Variants in TOX2 observed in about 807,000 individuals in gnomAD.
The protein encoded by TOX2 is granulosa cell HMG box 1.
Under a neutral mutation model 47.4 loss-of-function variants are expected in TOX2, and 15 were observed. The ratio of observed to expected loss-of-function variants is 0.32; its 90% CI spans 0.21 to 0.49. The LOEUF is 0.49. TOX2 is among the 20% of genes least tolerant of loss of function. TOX2 has a pLI of 0.99. For missense variants in TOX2, 622 were observed against 673.1 expected, an observed-to-expected ratio of 0.92 and a Z score of 0.84; for synonymous variants, 290 against 296.6, an observed-to-expected ratio of 0.98 and a Z score of 0.23.
chr20:44,005,716 T>G (rs1332571523), intron 2 of TOX2, among the ~76,000 whole-genome samples: 1 of 152,102 alleles, frequency 6.6e-6, no homozygotes, highest in Non-Finnish European at 1.5e-5. Flanking sequence ...GGGAAAGAAT[T>G]TGATACAATT....
At chr20:43,941,612 C>T (rs1327984237) in intron 1 of TOX2, among the ~76,000 whole-genome samples, 8 of 152,240 alleles carry the variant, frequency 5.3e-5, no homozygotes, top group Admixed American at 1.3e-4. Context: ...GGATTACAGG[C>T]GCGAGCCACT....
intron 2 of TOX2, among the ~76,000 whole-genome samples, chr20:43,995,902 CT>C (rs1355424516): frequency 1.4e-4 from 22 of 152,176 alleles, no homozygotes; most frequent in African/African-American, 5.3e-4. Flanking sequence ...ACAACATTTT[CT>C]TTATCCAATC....
chr20:43,999,669 T>G (rs1286658121), intron 2 of TOX2, among the ~76,000 whole-genome samples: 9 of 152,238 alleles, frequency 5.9e-5, no homozygotes, highest in Non-Finnish European at 1.3e-4. Context: ...GTCTACAGAT[T>G]CAATGCAATC....
intron 3 of TOX2, among the ~76,000 whole-genome samples, chr20:44,018,926 G>T (rs538118134): frequency 6.6e-6 from 1 of 152,154 alleles, no homozygotes; most frequent in Non-Finnish European, 1.5e-5. Context: ...ACCCCAGTGG[G>T]TGACCTTGGG....
chr20:44,056,406 C>G (rs2071617254), intron 5 of TOX2, among the ~76,000 whole-genome samples: 1 of 152,178 alleles, frequency 6.6e-6, no homozygotes, highest in Admixed American at 6.5e-5. Flanking sequence ...TTTCAAAAGA[C>G]TTCAGGTTGT....
At chr20:44,011,258 C>T (rs1253422719) in intron 3 of TOX2, among the ~76,000 whole-genome samples, 1 of 152,186 alleles carries the variant, frequency 6.6e-6, no homozygotes, top group Non-Finnish European at 1.5e-5. Flanking sequence ...ATTTTTCAAC[C>T]TACCACAGTG....
intron 3 of TOX2, among the ~76,000 whole-genome samples, chr20:44,012,231 C>A (rs1234264015): frequency 6.6e-6 from 1 of 152,202 alleles, no homozygotes; most frequent in South Asian, 2.1e-4. Context: ...AGTCTGAAAT[C>A]ATTTATTTTG....
chr20:44,058,488 T>C (rs2145778502), intron 5 of TOX2, among the ~76,000 whole-genome samples: 1 of 152,332 alleles, frequency 6.6e-6, no homozygotes, highest in African/African-American at 2.4e-5. Flanking sequence ...GGGAACTCCA[T>C]GGCCCCGCCC....
intron 3 of TOX2, among the ~76,000 whole-genome samples, chr20:44,016,571 G>A (rs1420071601): frequency 2.6e-5 from 4 of 152,094 alleles, no homozygotes; most frequent in East Asian, 3.9e-4. Context: ...AGCATTCCTG[G>A]CCTCTACTCA....
At chr20:43,958,601 A>G (rs1355082350) in intron 1 of TOX2, among the ~76,000 whole-genome samples, 1 of 152,208 alleles carries the variant, frequency 6.6e-6, no homozygotes, top group Non-Finnish European at 1.5e-5. Flanking sequence ...AATTGGTTCT[A>G]GGTCCCTAGT....
At chr20:43,923,173 A>G (rs6103512) in intron 1 of TOX2, among the ~76,000 whole-genome samples, 3,511 of 152,116 alleles carry the variant, frequency 0.023, 137 homozygotes, top group African/African-American at 0.081. Flanking sequence ...GAGTTGGGAC[A>G]CCAGCAGAGA....
chr20:43,952,127 T>C (rs1420825072), intron 1 of TOX2, among the ~76,000 whole-genome samples: 1 of 152,048 alleles, frequency 6.6e-6, no homozygotes, highest in Admixed American at 6.6e-5. Context: ...GGTCTCGATC[T>C]CCTGACCTCG....
intron 1 of TOX2, among the ~76,000 whole-genome samples, chr20:43,936,128 A>G (rs2069325024): frequency 6.6e-6 from 1 of 152,126 alleles, no homozygotes; most frequent in South Asian, 2.1e-4. Flanking sequence ...GCGTCTTGTC[A>G]TTCCCACTGG....
At chr20:43,931,677 A>T (rs552183633) in intron 1 of TOX2, among the ~76,000 whole-genome samples, 141 of 152,238 alleles carry the variant, frequency 9.3e-4, no homozygotes, top group African/African-American at 3.3e-3. Flanking sequence ...GAATCTTTGC[A>T]GTTGTTCTGT....
chr20:43,966,926 G>A (rs1323894061), intron 1 of TOX2, among the ~76,000 whole-genome samples: 2 of 147,118 alleles, frequency 1.4e-5, no homozygotes, highest in African/African-American at 5.1e-5. Flanking sequence ...GCTAGTGATA[G>A]CCAAGGTGTA....
rs563253532 is a variant in TOX2, at chr20:44,009,877, C to T, written c.411+3085C>T. ...CTACAGTTTGGGGCCACTGTGTTGC[C>T]GCCTTTGGTACTGGGGTGAATGGAG... On this transcript the variant is annotated intron_variant, in intron 3 of 8. Coordinates refer to ENST00000341197, the MANE Select transcript of TOX2 (RefSeq NM_001098797.2). Among the ~76,000 whole-genome samples, 61 of 152,092 alleles carry T rather than the reference C, an allele frequency of 4.0e-4. 1 individual carries two copies. The highest frequency in any genetic ancestry group is 8.5e-4 in the Admixed American group (13 of 15,262).
chr20:43,974,443 C>T (rs1023432312), intron 2 of TOX2, among the ~76,000 whole-genome samples: 1 of 152,200 alleles, frequency 6.6e-6, no homozygotes, highest in East Asian at 1.9e-4. Flanking sequence ...GGATGGTTCC[C>T]TAAGGCAGTG....
At chr20:43,952,444 C>CA (rs2069595636) in intron 1 of TOX2, among the ~76,000 whole-genome samples, 2 of 152,184 alleles carry the variant, frequency 1.3e-5, no homozygotes, top group Admixed American at 1.3e-4. Context: ...TGTTCCATGA[C>CA]AATCAGCAGA....
intron 3 of TOX2, among the ~76,000 whole-genome samples, chr20:44,047,493 T>TGGTTCTTTG (rs1569132019): frequency 4.7e-4 from 2 of 4,230 alleles, no homozygotes; most frequent in Non-Finnish European, 6.6e-4. Context: ...TTTTAACATC[T>TGGTTCTTTG]GCACTAAGAA....
Sources: allele counts gnomAD v4.1 joint callset (sites outside exome capture counted in the v4.1 genomes callset), GRCh38; gene constraint gnomAD v4.1.1; transcripts MANE v1.5; gene names NCBI Gene and HGNC (gene_info 2026-07-23, HGNC 2026-07-21).